The following TENM3 variants were observed in gnomAD, a reference collection of about 807,000 sequenced individuals.
TENM3 encodes the protein teneurin-3.
A neutral mutation model predicts 255.1 loss-of-function variants in TENM3; 63 were observed. That is an observed-to-expected ratio of 0.25 (90% CI 0.20 to 0.30). The LOEUF is 0.30. Ranked by LOEUF, TENM3 falls within the 10% of genes least tolerant of loss-of-function variation. The pLI, the probability that TENM3 is intolerant of heterozygous loss-of-function variation, is 1.00. For missense variants in TENM3, 2,929 were observed against 3,461.1 expected (o/e 0.85, Z 3.86); for synonymous variants, 1,306 against 1,322.3 (o/e 0.99, Z 0.27).
the TENM3 span, among the ~76,000 whole-genome samples, chr4:181,603,704 T>C: frequency 2.6e-5 from 4 of 152,144 alleles, no homozygotes; most frequent in African/African-American, 4.8e-5. Flanking sequence ...TTGATAAGTA[T>C]AAAAAAGCAT....
At chr4:182,020,582 T>G in the TENM3 span, among the ~76,000 whole-genome samples, 1 of 152,158 alleles carries the variant, frequency 6.6e-6, no homozygotes, top group Non-Finnish European at 1.5e-5. Context: ...GAGAAAGATT[T>G]GAGATGGTGG....
At chr4:182,530,713 C>A (rs1426715717) in intron 3 of TENM3, among the ~76,000 whole-genome samples, 2 of 152,114 alleles carry the variant, frequency 1.3e-5, no homozygotes, top group Non-Finnish European at 2.9e-5. Context: ...TAGCCTGGAG[C>A]ATAGTTGCAG....
upstream of TENM3, chr4:182,141,080 A>G (rs1406776540): frequency 4.2e-5 from 6 of 143,900 alleles, no homozygotes; most frequent in East Asian, 8.8e-4. Flanking sequence ...GCTGGGCCAC[A>G]TTTTCCTTTT....
intron 1 of TENM3, among the ~76,000 whole-genome samples, chr4:182,309,886 T>C (rs1015321021): frequency 1.3e-5 from 2 of 152,210 alleles, no homozygotes. Flanking sequence ...CTTTATCAAG[T>C]ACTCATTATG....
intron 3 of TENM3, among the ~76,000 whole-genome samples, chr4:182,396,400 T>C (rs116187163): frequency 3.2e-3 from 487 of 152,332 alleles, no homozygotes; most frequent in African/African-American, 0.011. Context: ...AATCCTCTGC[T>C]CCTTGGTTTC....
chr4:182,046,748 G>A, the TENM3 span, among the ~76,000 whole-genome samples: 1 of 151,800 alleles, frequency 6.6e-6, no homozygotes, highest in African/African-American at 2.4e-5. Context: ...AATAAATGAA[G>A]ATACCTTTGT....
chr4:182,348,810 A>G (rs1764996017), intron 3 of TENM3, among the ~76,000 whole-genome samples: 1 of 152,180 alleles, frequency 6.6e-6, no homozygotes, highest in African/African-American at 2.4e-5. Context: ...GGAAAATATA[A>G]ACTTTGTAAC....
chr4:182,302,624 T>C (rs2150375793), intron 1 of TENM3, among the ~76,000 whole-genome samples: 1 of 152,294 alleles, frequency 6.6e-6, no homozygotes, highest in South Asian at 2.1e-4. Flanking sequence ...ATATAAAACT[T>C]GAAGCCAAGA....
chr4:182,548,271 A>C (rs1741649403), intron 3 of TENM3, among the ~76,000 whole-genome samples: 1 of 152,118 alleles, frequency 6.6e-6, no homozygotes, highest in South Asian at 2.1e-4. Context: ...ATAGAAAAAG[A>C]CCGCCCGTGA....
At chr4:181,930,465 A>G in the TENM3 span, among the ~76,000 whole-genome samples, 5 of 152,200 alleles carry the variant, frequency 3.3e-5, no homozygotes, top group Non-Finnish European at 2.9e-5. Flanking sequence ...AGACTAAACC[A>G]GGAAGAAGTC....
At chr4:182,564,586 T>G (rs566091797) in intron 3 of TENM3, among the ~76,000 whole-genome samples, 290 of 151,486 alleles carry the variant, frequency 1.9e-3, no homozygotes, top group Middle Eastern at 0.01. Flanking sequence ...GTTTTGTTTT[T>G]TTTTTTTTTG....
chr4:181,464,411 A>G, the TENM3 span, among the ~76,000 whole-genome samples: 1 of 152,158 alleles, frequency 6.6e-6, no homozygotes, highest in Non-Finnish European at 1.5e-5. Flanking sequence ...GGTGTTAAGC[A>G]TCTTTTCAGG....
At chr4:181,528,316 T>C in the TENM3 span, among the ~76,000 whole-genome samples, 1 of 152,208 alleles carries the variant, frequency 6.6e-6, no homozygotes, top group African/African-American at 2.4e-5. Context: ...ATTATTATTT[T>C]GATCCTAAAG....
At chr4:181,881,412 A>G in the TENM3 span, among the ~76,000 whole-genome samples, 1 of 152,142 alleles carries the variant, frequency 6.6e-6, no homozygotes, top group Non-Finnish European at 1.5e-5. Context: ...GAAGACAGAC[A>G]AAATGAACAT....
chr4:181,697,585 G>T, the TENM3 span, among the ~76,000 whole-genome samples: 1 of 151,868 alleles, frequency 6.6e-6, no homozygotes, highest in African/African-American at 2.4e-5. Context: ...GTAGAGAAGG[G>T]GTTTCACCAT....
the TENM3 span, among the ~76,000 whole-genome samples, chr4:181,621,113 CAA>C: frequency 2.6e-5 from 4 of 152,102 alleles, no homozygotes; most frequent in Admixed American, 2.6e-4. Context: ...TGACAATAAT[CAA>C]AGAGGTCAAA....
At chr4:182,124,134 C>A in the TENM3 span, among the ~76,000 whole-genome samples, 2 of 152,176 alleles carry the variant, frequency 1.3e-5, no homozygotes, top group Non-Finnish European at 2.9e-5. Context: ...GCACTGCAAC[C>A]TCTGCCTCCT....
chr4:182,006,658 TA>T, the TENM3 span, among the ~76,000 whole-genome samples: 12 of 152,046 alleles, frequency 7.9e-5, no homozygotes. Context: ...CATGTTTTGT[TA>T]ATTTTTTCAA....
intron 3 of TENM3, among the ~76,000 whole-genome samples, chr4:182,525,860 C>T (rs1423800558): frequency 6.6e-6 from 1 of 152,222 alleles, no homozygotes; most frequent in Non-Finnish European, 1.5e-5. Flanking sequence ...ATTCAAGCCT[C>T]ATGAGAGGAC....
Sources: gnomAD v4.1 joint callset for allele counts (sites outside exome capture counted in the v4.1 genomes callset) on GRCh38, gnomAD v4.1.1 for gene constraint, MANE v1.5 for transcripts, NCBI Gene and HGNC (gene_info 2026-07-23, HGNC 2026-07-21) for gene names.